Variants in HPSE2 observed in about 807,000 individuals in gnomAD.
The protein encoded by HPSE2 is heparanase 2 (inactive), also known as inactive heparanase-2.
In HPSE2, 38 loss-of-function variants were observed where a neutral mutation model predicts 60.5. The observed-to-expected ratio is 0.63, with a 90% CI of 0.48 to 0.82. The LOEUF (loss-of-function observed/expected upper bound fraction) is 0.82, where lower values mean the gene tolerates loss of function less well. HPSE2 is among the 40% of genes least tolerant of loss of function. HPSE2 has a pLI of 0.00. For synonymous variants in HPSE2, 295 were observed against 293.2 expected, an observed-to-expected ratio of 1.01 and a Z score of -0.06; for missense variants, 713 against 740.4, an observed-to-expected ratio of 0.96 and a Z score of 0.43.
intron 11 of HPSE2, among the ~76,000 whole-genome samples, chr10:98,477,371 G>A (rs948921113): frequency 1.3e-5 from 2 of 152,176 alleles, no homozygotes; most frequent in Non-Finnish European, 2.9e-5. Flanking sequence ...GGCATCCTCT[G>A]GTCCAGATGG....
chr10:98,796,722 C>T (rs1283957074), intron 3 of HPSE2, among the ~76,000 whole-genome samples: 1 of 152,176 alleles, frequency 6.6e-6, no homozygotes, highest in East Asian at 1.9e-4. Flanking sequence ...TTGGGCAAGA[C>T]CCAGTGCTGG....
At chr10:98,596,361 T>C (rs1303037863) in intron 9 of HPSE2, among the ~76,000 whole-genome samples, 1 of 152,188 alleles carries the variant, frequency 6.6e-6, no homozygotes, top group East Asian at 1.9e-4. Flanking sequence ...ATTTTAAAGA[T>C]ATAAATGGTT....
the HPSE2 span, among the ~76,000 whole-genome samples, chr10:99,284,243 A>G: frequency 6.6e-6 from 1 of 152,234 alleles, no homozygotes; most frequent in Non-Finnish European, 1.5e-5. Context: ...AAAGTTAATC[A>G]ATGTAATATG....
At chr10:98,755,219 C>T (rs970147220) in intron 3 of HPSE2, among the ~76,000 whole-genome samples, 3 of 152,078 alleles carry the variant, frequency 2.0e-5, no homozygotes, top group Non-Finnish European at 2.9e-5. Context: ...GTAAGGGTTG[C>T]TAATCCAATT....
the HPSE2 span, among the ~76,000 whole-genome samples, chr10:99,304,559 T>C: frequency 1.3e-5 from 2 of 152,234 alleles, no homozygotes; most frequent in African/African-American, 4.8e-5. Flanking sequence ...CTGCCCTGCA[T>C]CAGATACATT....
intron 3 of HPSE2, among the ~76,000 whole-genome samples, chr10:98,792,504 C>T (rs1331465210): frequency 6.6e-6 from 1 of 152,088 alleles, no homozygotes. Context: ...TGGGGAACAG[C>T]CTTCTTACTG....
chr10:99,022,486 G>A (rs187794980), intron 3 of HPSE2, among the ~76,000 whole-genome samples: 2 of 152,202 alleles, frequency 1.3e-5, no homozygotes, highest in East Asian at 1.9e-4. Flanking sequence ...TGGACTGAGG[G>A]GGCATGTGAC....
rs769694518 is a variant in HPSE2 at position 98,458,344 on chromosome 10, C to A, written c.*1230G>T. ...TTCAGCTGTAGCTCATTGGCAAAGA[C>A]CCTCATGCCCCTTGAATCATATAGA... On this transcript the variant is annotated 3_prime_UTR_variant, in exon 12 of 12. Coordinates refer to ENST00000370552, the MANE Select transcript of HPSE2 (RefSeq NM_021828.5). The A allele has an allele frequency of 1.1e-4, 16 of 152,214 alleles. No homozygotes were observed. The highest frequency in any genetic ancestry group is 1.5e-4 in the Non-Finnish European group (10 of 68,052). 9.4% of individuals were successfully genotyped at this position (152,214 alleles called of 1,614,324 possible). A position where few individuals can be genotyped will look rare whatever the true frequency, so the allele number is the denominator to read the frequency against.
chr10:98,802,292 CTCT>C (rs1950928795), intron 3 of HPSE2, among the ~76,000 whole-genome samples: 1 of 68,562 alleles, frequency 1.5e-5, no homozygotes, highest in African/African-American at 6.7e-5. Flanking sequence ...TTTAAATTTT[CTCT>C]TTTTATTTTT....
At chr10:99,159,689 T>C (rs915192005) in intron 2 of HPSE2, among the ~76,000 whole-genome samples, 1 of 152,146 alleles carries the variant, frequency 6.6e-6, no homozygotes, top group African/African-American at 2.4e-5. Flanking sequence ...AAATATAAGA[T>C]CTAAAGCTAT....
intron 9 of HPSE2, among the ~76,000 whole-genome samples, chr10:98,562,888 A>G (rs1242277718): frequency 2.0e-5 from 3 of 152,016 alleles, no homozygotes; most frequent in Non-Finnish European, 2.9e-5. Flanking sequence ...ATGATTTTAC[A>G]AGAGGTTTGA....
intron 2 of HPSE2, among the ~76,000 whole-genome samples, chr10:99,148,466 C>T (rs879490571): frequency 6.6e-6 from 1 of 152,020 alleles, no homozygotes; most frequent in African/African-American, 2.4e-5. Context: ...AAGAAAAGTA[C>T]AAATATGGAA....
At chr10:98,664,772 G>C (rs1947319311) in intron 6 of HPSE2, among the ~76,000 whole-genome samples, 1 of 152,128 alleles carries the variant, frequency 6.6e-6, no homozygotes, top group Non-Finnish European at 1.5e-5. Flanking sequence ...CCCTCTGAAA[G>C]CACCCAGAAA....
intron 3 of HPSE2, among the ~76,000 whole-genome samples, chr10:98,848,101 G>C (rs967184410): frequency 6.6e-6 from 1 of 152,330 alleles, no homozygotes; most frequent in Admixed American, 6.5e-5. Flanking sequence ...CAGGGTATGA[G>C]AGTAGCTGAA....
intron 8 of HPSE2, among the ~76,000 whole-genome samples, 178 bp from the exon 9 acceptor site, chr10:98,615,196 T>A (rs917252742): frequency 6.6e-6 from 1 of 152,202 alleles, no homozygotes; most frequent in African/African-American, 2.4e-5. Context: ...ATTTTAGAGA[T>A]TATCAAATCC....
chr10:99,167,043 C>T (rs1348773092), intron 2 of HPSE2, among the ~76,000 whole-genome samples: 3 of 151,722 alleles, frequency 2.0e-5, no homozygotes, highest in African/African-American at 7.3e-5. Context: ...CAGAGTCTTG[C>T]TCTGTTGCCC....
intron 2 of HPSE2, among the ~76,000 whole-genome samples, chr10:99,187,225 A>T (rs1848062264): frequency 6.6e-6 from 1 of 152,212 alleles, no homozygotes; most frequent in Admixed American, 6.5e-5. Flanking sequence ...AAAAAATTTC[A>T]TGTATGGAAT....
At chr10:98,939,461 C>A (rs1351485544) in intron 3 of HPSE2, among the ~76,000 whole-genome samples, 2 of 142,468 alleles carry the variant, frequency 1.4e-5, no homozygotes, top group Admixed American at 7.0e-5. Context: ...GACTTTAAAC[C>A]AAAAAGATCA....
At chr10:99,048,757 A>T (rs776037646) in intron 3 of HPSE2, among the ~76,000 whole-genome samples, 1 of 152,186 alleles carries the variant, frequency 6.6e-6, no homozygotes, top group Non-Finnish European at 1.5e-5. Context: ...ATAGATCATT[A>T]TACAAAAAGA....
Sources: allele counts gnomAD v4.1 joint callset (sites outside exome capture counted in the v4.1 genomes callset), GRCh38; gene constraint gnomAD v4.1.1; transcripts MANE v1.5; gene names NCBI Gene and HGNC (gene_info 2026-07-23, HGNC 2026-07-21).